The following SMIM35 variants were observed in gnomAD, a reference collection of about 807,000 sequenced individuals.
The protein encoded by SMIM35 is small integral membrane protein 35.
At chr11:118,044,810 A>C (rs2845695) in intron 1 of SMIM35, among the ~76,000 whole-genome samples, 21,395 of 142,760 alleles carry the variant, frequency 0.15, 1,946 homozygotes, top group African/African-American at 0.17. Context: ...CTAAAAAAAA[A>C]ACAAAACAAA....
intron 1 of SMIM35, among the ~76,000 whole-genome samples, chr11:118,046,444 A>G (rs1462696085): frequency 2.0e-5 from 3 of 152,158 alleles, no homozygotes; most frequent in African/African-American, 7.2e-5. Flanking sequence ...AGGCCCCAAA[A>G]AACTGTAAGT....
chr11:118,073,804 C>T (rs947891), intron 1 of SMIM35, among the ~76,000 whole-genome samples: 37,290 of 152,240 alleles, frequency 0.24, 5,608 homozygotes, highest in Non-Finnish European at 0.34. Flanking sequence ...TCAGCAGCGC[C>T]GCCATGATGG....
chr11:118,008,019 G>A (rs1201401403), intron 4 of SMIM35, among the ~76,000 whole-genome samples: 1 of 152,026 alleles, frequency 6.6e-6, no homozygotes, highest in African/African-American at 2.4e-5. Context: ...ATAGGCACGA[G>A]CCACCACGCT....
At chr11:118,055,097 G>T (rs732403) in intron 1 of SMIM35, among the ~76,000 whole-genome samples, 1 of 151,950 alleles carries the variant, frequency 6.6e-6, no homozygotes, top group Non-Finnish European at 1.5e-5. Flanking sequence ...GAGCCACTGC[G>T]CCTGGCCTAA....
chr11:118,017,946 C>T (rs1459018162), intron 1 of SMIM35, among the ~76,000 whole-genome samples: 1 of 152,208 alleles, frequency 6.6e-6, no homozygotes, highest in Non-Finnish European at 1.5e-5. Context: ...TAAATCACCT[C>T]CCACCAGGTC....
intron 4 of SMIM35, among the ~76,000 whole-genome samples, chr11:118,013,197 C>T (rs765824330): frequency 9.9e-5 from 15 of 152,138 alleles, no homozygotes; most frequent in Non-Finnish European, 1.6e-4. Flanking sequence ...CCTTGAAGAT[C>T]CGAGGGGATG....
chr11:118,068,223 C>T (rs1371873414), intron 1 of SMIM35, among the ~76,000 whole-genome samples: 1 of 152,072 alleles, frequency 6.6e-6, no homozygotes, highest in South Asian at 2.1e-4. Flanking sequence ...CGCACACAGC[C>T]TCCTCTCTGG....
intron 2 of SMIM35, 47 bp from the exon 3 acceptor site, chr11:118,014,788 C>A: frequency 7.5e-6 from 3 of 398,814 alleles, no homozygotes; most frequent in Non-Finnish European, 1.3e-5. Flanking sequence ...CCAGGGGAAG[C>A]AGTCCGCCAC....
At chr11:118,006,891 T>G (rs2135008002) in intron 4 of SMIM35, among the ~76,000 whole-genome samples, 1 of 152,330 alleles carries the variant, frequency 6.6e-6, no homozygotes, top group East Asian at 1.9e-4. Context: ...CAAGGGGATG[T>G]GGTCAAGAGA....
At chr11:118,024,886 C>T (rs1363149070) in intron 1 of SMIM35, among the ~76,000 whole-genome samples, 4 of 152,158 alleles carry the variant, frequency 2.6e-5, no homozygotes, top group Non-Finnish European at 5.9e-5. Flanking sequence ...GTGAGCATTA[C>T]TATTACCAAT....
rs188876835 is a variant in SMIM35 at position 118,041,909 on chromosome 11, G to A, written c.8-26100C>T. Among the ~76,000 whole-genome samples, 45 of 151,822 alleles carry A rather than the reference G, an allele frequency of 3.0e-4. 1 individual carries two copies. The highest frequency in any genetic ancestry group is 1.0e-3 in the African/African-American group (43 of 41,374). On this transcript the variant is annotated intron_variant, in intron 1 of 4. Transcript: ENST00000689828. ...CTACTAAAAATACAAAAATTAGCTGGGCATGGTGGCAGATGCCTGTAATCC... is the reference window on the plus strand; with the variant it reads ...CTACTAAAAATACAAAAATTAGCTGAGCATGGTGGCAGATGCCTGTAATCC...
At chr11:118,081,720 G>A (rs1433213315) in intron 1 of SMIM35, among the ~76,000 whole-genome samples, 7 of 152,164 alleles carry the variant, frequency 4.6e-5, no homozygotes, top group Admixed American at 3.3e-4. Flanking sequence ...AGCATATCCT[G>A]CTGTCTCAGT....
At chr11:118,042,485 A>G (rs894882405) in intron 1 of SMIM35, among the ~76,000 whole-genome samples, 1 of 152,230 alleles carries the variant, frequency 6.6e-6, no homozygotes, top group African/African-American at 2.4e-5. Context: ...ACCCACAAGA[A>G]AAACCCAAGC....
intron 1 of SMIM35, among the ~76,000 whole-genome samples, chr11:118,068,809 G>A (rs981478916): frequency 1.4e-4 from 21 of 152,158 alleles, no homozygotes; most frequent in African/African-American, 4.8e-4. Context: ...CTGCATTCTC[G>A]GCCACCCCAC....
chr11:118,071,986 C>G (rs1486264700), intron 1 of SMIM35, among the ~76,000 whole-genome samples: 2 of 152,002 alleles, frequency 1.3e-5, no homozygotes, highest in East Asian at 3.8e-4. Flanking sequence ...CCCTCAGAAG[C>G]TCCTAGAAGG....
chr11:118,076,404 G>C (rs547786565), intron 1 of SMIM35, among the ~76,000 whole-genome samples: 19 of 152,198 alleles, frequency 1.2e-4, no homozygotes, highest in African/African-American at 4.3e-4. Flanking sequence ...CTGAGATTGC[G>C]CCCCTGCACT....
chr11:118,045,926 A>G (rs1296057427), intron 1 of SMIM35, among the ~76,000 whole-genome samples: 1 of 152,260 alleles, frequency 6.6e-6, no homozygotes, highest in Non-Finnish European at 1.5e-5. Context: ...TTGAGTTTTA[A>G]TCCTCTCTTA....
At chr11:118,081,443 C>A (rs1945124437) in intron 1 of SMIM35, among the ~76,000 whole-genome samples, 1 of 152,216 alleles carries the variant, frequency 6.6e-6, no homozygotes, top group African/African-American at 2.4e-5. Flanking sequence ...AATGTGTAAA[C>A]AAGATGGAAA....
At chr11:118,061,932 C>T (rs1033706920) in intron 1 of SMIM35, among the ~76,000 whole-genome samples, 4 of 152,320 alleles carry the variant, frequency 2.6e-5, no homozygotes, top group Admixed American at 2.0e-4. Flanking sequence ...TGGGGCAGAA[C>T]CCCACCAACT....
Sources: allele counts gnomAD v4.1 joint callset (sites outside exome capture counted in the v4.1 genomes callset), GRCh38; gene constraint gnomAD v4.1.1; transcripts MANE v1.5; gene names NCBI Gene and HGNC (gene_info 2026-07-23, HGNC 2026-07-21).